MYT1: variants seen among roughly 807,000 people sequenced by gnomAD.
MYT1 encodes myelin transcription factor I.
MYT1 carries 23 observed loss-of-function variants against 123.0 expected under a neutral mutation model. That is an observed-to-expected ratio of 0.19 (90% CI 0.13 to 0.26). The LOEUF (loss-of-function observed/expected upper bound fraction) is 0.26. Among genes scored for constraint, MYT1 ranks in the 10% least tolerant of loss-of-function variants. The pLI is 1.00. For missense variants in MYT1, 1,125 were observed against 1,472.5 expected, an observed-to-expected ratio of 0.76 and a Z score of 3.86; for synonymous variants, 518 against 575.3, an observed-to-expected ratio of 0.90 and a Z score of 1.43.
intron 10 of MYT1, among the ~76,000 whole-genome samples, chr20:64,215,983 G>T (rs1205071949): frequency 1.3e-5 from 2 of 152,090 alleles, no homozygotes; most frequent in African/African-American, 4.8e-5. Context: ...CCATCCTGGG[G>T]CTCCCACCCT....
At chr20:64,169,626 T>C (rs1037109233) in intron 1 of MYT1, among the ~76,000 whole-genome samples, 11 of 152,304 alleles carry the variant, frequency 7.2e-5, no homozygotes, top group African/African-American at 2.6e-4. Context: ...CAGTCGCTCG[T>C]CAGCATGTGG....
intron 10 of MYT1, among the ~76,000 whole-genome samples, chr20:64,215,899 G>A (rs1983825481): frequency 6.6e-6 from 1 of 151,972 alleles, no homozygotes; most frequent in South Asian, 2.1e-4. Context: ...CTGACCCAAT[G>A]TTAAGTTTAA....
intron 21 of MYT1, among the ~76,000 whole-genome samples, chr20:64,238,564 G>C (rs1342339888): frequency 2.0e-5 from 3 of 151,568 alleles, no homozygotes; most frequent in Non-Finnish European, 4.4e-5. Flanking sequence ...TCATGCACAT[G>C]TCGATGTTGC....
In MYT1 at chr20:64,186,899, CCG is replaced by C. The variant is rs1982820897; in HGVS notation, c.-98-3163_-98-3162del. On this transcript the variant is annotated intron_variant, in intron 1 of 22. Transcript: ENST00000328439. The surrounding 1 kb of genome is among the most constrained non-coding windows in gnomAD (Gnocchi z 4.3). ...TTTCCGTGGAGACTTTTCCTGTAGC[CCG>C]TGGCCCCGGCATCCATGTTTCCGTG... Among the ~76,000 whole-genome samples, 1 of 149,872 alleles carries C rather than the reference CCG, an allele frequency of 6.7e-6. No individual in the cohort carries two copies. The highest frequency in any genetic ancestry group is 2.5e-5 in the African/African-American group (1 of 40,354).
chr20:64,204,344 G>A (rs1207175192), intron 4 of MYT1, among the ~76,000 whole-genome samples: 2 of 152,192 alleles, frequency 1.3e-5, no homozygotes, highest in Middle Eastern at 3.2e-3. Flanking sequence ...GATGCAGGAG[G>A]GTCAGTGTCA....
rs1341244711 is a variant in MYT1, at chr20:64,203,784, C to T, written c.87-1251C>T. Among the ~76,000 whole-genome samples the T allele has an allele frequency of 1.3e-5, 2 of 152,198 alleles. No homozygotes were observed. The highest frequency in any genetic ancestry group is 1.3e-4 in the Admixed American group (2 of 15,282). On this transcript the variant is annotated intron_variant, in intron 4 of 22. Coordinates refer to ENST00000328439, the MANE Select transcript of MYT1 (RefSeq NM_004535.3). The surrounding 1 kb of genome is among the most constrained non-coding windows in gnomAD (Gnocchi z 5.1). ...GTCTGCAGTCAGGCCTGTGATCAGT[C>T]GAATTAGAAACGATCAGAGGTGTCT...
intron 16 of MYT1, among the ~76,000 whole-genome samples, chr20:64,226,772 T>A (rs543350791): frequency 2.0e-5 from 3 of 152,382 alleles, no homozygotes; most frequent in South Asian, 4.1e-4. Flanking sequence ...GTTGGACTTT[T>A]GTGTTTCTCC....
intron 7 of MYT1, among the ~76,000 whole-genome samples, chr20:64,210,176 C>T (rs1983624363): frequency 1.3e-5 from 2 of 152,174 alleles, no homozygotes; most frequent in South Asian, 4.1e-4. Flanking sequence ...CATAGGAGGA[C>T]CCAGATGCAA....
Position 64,208,570 on chromosome 20 carries a change from C to A in MYT1, c.1291+83C>A. The A allele has an allele frequency of 6.7e-7, 1 of 1,490,156 alleles. No individual in the cohort carries two copies. Among genetic ancestry groups the A allele is most frequent in the Non-Finnish European group, 8.9e-7 (1 of 1,121,774 alleles). The allele number at this position is 1,490,156 out of a possible 1,614,324, so 92.3% of individuals were successfully genotyped here. A position where few individuals can be genotyped will look rare whatever the true frequency, so the allele number is the denominator to read the frequency against. On this transcript the variant is annotated intron_variant, in intron 7 of 22. Coordinates refer to ENST00000328439, the MANE Select transcript of MYT1 (RefSeq NM_004535.3). This position sits in a 1 kb window ranked among gnomAD's most constrained non-coding sequence, Gnocchi z 5.4. ...GTGCAGATGCAGGCTGAGAGCCCTT[C>A]TAGGACAGGGGGCTGGGGGATGGCA...
chr20:64,239,983 A>AC, intron 22 of MYT1, 80 bp downstream of exon 22: 1 of 1,558,638 alleles, frequency 6.4e-7, no homozygotes, highest in Non-Finnish European at 8.7e-7. Flanking sequence ...GGCATCTCCC[A>AC]CCCCCTCTGC....
Position 64,212,032 on chromosome 20 carries a change from C to G in MYT1, c.1427-16C>G, listed in dbSNP as rs372112852. ...TCTGACAGCCTCGGCTCCCTCCACC[C>G]CCTGTTCTCTTACAGTCTTAGCCAT... is the stretch of plus-strand genomic sequence containing the variant. On this transcript the variant is annotated splice_polypyrimidine_tract_variant and intron_variant, in intron 8 of 22. Transcript: ENST00000328439. The surrounding 1 kb of genome is among the most constrained non-coding windows in gnomAD (Gnocchi z 6.8). The G allele has an allele frequency of 6.2e-6, 10 of 1,608,542 alleles. No individual in the cohort carries two copies. The highest frequency in any genetic ancestry group is 8.5e-6 in the Non-Finnish European group (10 of 1,175,446).
Position 64,231,908 on chromosome 20 carries a change from G to T in MYT1, c.2676-256G>T, listed in dbSNP as rs1018971424. 6.6e-6 allele frequency among the ~76,000 whole-genome samples: 1 copy of T among 152,192 alleles called. No homozygotes were observed. The highest frequency in any genetic ancestry group is 6.5e-5 in the Admixed American group (1 of 15,290). On this transcript the variant is annotated intron_variant, in intron 18 of 22. Coordinates refer to ENST00000328439, the MANE Select transcript of MYT1 (RefSeq NM_004535.3). This position sits in a 1 kb window ranked among gnomAD's most constrained non-coding sequence, Gnocchi z 6.4. ...GGCTGCTGGAGGGCACGGAAAGAAG[G>T]TGGCTGTGGAGACCCCAGTCATGCA...
intron 19 of MYT1, among the ~76,000 whole-genome samples, chr20:64,236,316 G>A (rs1185507353): frequency 4.9e-5 from 7 of 143,620 alleles, no homozygotes; most frequent in East Asian, 2.3e-4. Context: ...GGATGGCCGC[G>A]GTGGGTGACC....
rs563500793 is a variant in MYT1, at chr20:64,215,345, C to A, written c.1631+1698C>A. ...CTCATGAGGCTCAAGTGACACTCTGCCGCCCTCAGCCCATGGTGAATACTC... is the reference window on the plus strand; with the variant it reads ...CTCATGAGGCTCAAGTGACACTCTGACGCCCTCAGCCCATGGTGAATACTC... On this transcript the variant is annotated intron_variant, in intron 10 of 22. Coordinates refer to ENST00000328439, the MANE Select transcript of MYT1 (RefSeq NM_004535.3). 4.3e-4 allele frequency among the ~76,000 whole-genome samples: 66 copies of A among 152,268 alleles called. 2 individuals are homozygous for A. In the South Asian group the frequency reaches 0.012, roughly 29 times the overall value.
At chr20:64,198,622 G>A (rs988743224) in intron 2 of MYT1, among the ~76,000 whole-genome samples, 30 of 152,300 alleles carry the variant, frequency 2.0e-4, no homozygotes, top group Non-Finnish European at 2.8e-4. Flanking sequence ...TGCCAAGGCC[G>A]GGGACATGCT....
In MYT1 at chr20:64,199,928, G is replaced by A. The variant is rs1307407429; in HGVS notation, c.86+6G>A. 1 of 1,613,956 alleles carries A rather than the reference G, an allele frequency of 6.2e-7. No homozygotes were observed. The highest frequency in any genetic ancestry group is 2.2e-5 in the East Asian group (1 of 44,880). Reference sequence around the variant, plus strand: ...ACCACAGCTGCAGACCTCAGGTAAGGAAGTCTTCCTGTTAGCACCAAGCAT... The same window carrying A: ...ACCACAGCTGCAGACCTCAGGTAAGAAAGTCTTCCTGTTAGCACCAAGCAT... On this transcript the variant is annotated splice_donor_region_variant and intron_variant, in intron 4 of 22. Transcript: ENST00000328439.
At chr20:64,239,201 G>A (rs1984640099) in intron 21 of MYT1, among the ~76,000 whole-genome samples, 1 of 152,252 alleles carries the variant, frequency 6.6e-6, no homozygotes, top group African/African-American at 2.4e-5. Context: ...AGACTTGCCT[G>A]TAGTTGGCCT....
intron 7 of MYT1, among the ~76,000 whole-genome samples, chr20:64,210,080 A>G (rs948211571): frequency 2.2e-4 from 33 of 152,134 alleles, no homozygotes; most frequent in Admixed American, 7.9e-4. Flanking sequence ...TCAGCGCAGA[A>G]TTTGGTGGGA....
chr20:64,184,177 T>C (rs74744856), intron 1 of MYT1, among the ~76,000 whole-genome samples: 10,338 of 152,204 alleles, frequency 0.068, 740 homozygotes, highest in African/African-American at 0.18. Context: ...ATATATTACT[T>C]TTTTTCTTTA....
Sources: gnomAD v4.1 joint callset for allele counts (sites outside exome capture counted in the v4.1 genomes callset) on GRCh38, gnomAD v4.1.1 for gene constraint, Gnocchi (gnomAD v3.1) non-coding constraint, MANE v1.5 for transcripts, NCBI Gene and HGNC (gene_info 2026-07-23, HGNC 2026-07-21) for gene names.